Variants in DMAP1 observed in about 807,000 individuals in gnomAD.
DMAP1 encodes the protein DNA methyltransferase 1 associated protein 1.
A neutral mutation model predicts 52.7 loss-of-function variants in DMAP1; 26 were observed. The observed-to-expected ratio is 0.49, with a 90% CI of 0.36 to 0.68. DMAP1 has a LOEUF of 0.68. Ranked by LOEUF, DMAP1 falls within the 30% of genes least tolerant of loss-of-function variation. The pLI is 0.00. For synonymous variants in DMAP1, 231 were observed against 246.0 expected (o/e 0.94, Z 0.57); for missense variants, 439 against 625.2 (o/e 0.70, Z 3.18).
chr1:44,215,267 C>A (rs1006159472), intron 3 of DMAP1: 1 of 467,550 alleles, frequency 2.1e-6, no homozygotes, highest in Non-Finnish European at 4.3e-6. Context: ...TCCTTCGCAT[C>A]CAGTCATTTA....
intron 3 of DMAP1, chr1:44,216,322 A>G (rs963143660): frequency 6.6e-6 from 1 of 151,414 alleles, no homozygotes; most frequent in African/African-American, 2.4e-5. Flanking sequence ...CTCCACCTCT[A>G]GGGCTCAAGC....
In DMAP1 at chr1:44,218,155, T is replaced by C. The variant is rs1417274062; in HGVS notation, c.394-156T>C. ...CAGTCCCAAACCCTGCTAGGACCTC[T>C]AGTCAAGCAGACAAGTTCTTTCCTC... is the stretch of plus-strand genomic sequence containing the variant. On this transcript the variant is annotated intron_variant, in intron 3 of 9. Coordinates refer to ENST00000372289, the MANE Select transcript of DMAP1 (RefSeq NM_019100.5). This position sits in a 1 kb window ranked among gnomAD's most constrained non-coding sequence, Gnocchi z 5.6. 1 of 972,774 alleles carries C rather than the reference T, an allele frequency of 1.0e-6. No individual in the cohort carries two copies. The highest frequency in any genetic ancestry group is 1.7e-5 in the Admixed American group (1 of 57,294). 60.3% of individuals were successfully genotyped at this position (972,774 alleles called of 1,614,324 possible).
chr1:44,219,811 G>C lies in DMAP1; in HGVS notation c.984G>C (p.Lys328Asn). 6.2e-7 allele frequency: 1 copy of C among 1,614,124 alleles called. No individual in the cohort carries two copies. Among genetic ancestry groups the C allele is most frequent in the Non-Finnish European group, 8.5e-7 (1 of 1,180,024 alleles). Reference sequence around the variant, plus strand: ...CTTGCCAGCTTTCATTGCAGATGAAGCTGCCAAGCTCTGTGGGACAGAAGA... The same window carrying C: ...CTTGCCAGCTTTCATTGCAGATGAACCTGCCAAGCTCTGTGGGACAGAAGA... ...AGVTLRSQRM[K>N]LPSSVGQKKI... Residue 328 changes from lysine to asparagine, a missense_variant, in exon 8 of 10, where the codon AAG becomes AAC. This residue lies in a region of DMAP1 where 179 missense variants were observed against 285.9 expected (regional missense o/e 0.63). Transcript: ENST00000372289.
At chr1:44,220,518 T>C in intron 9 of DMAP1, 41 bp from the exon 10 acceptor site, 1 of 1,614,218 alleles carries the variant, frequency 6.2e-7, no homozygotes, top group Non-Finnish European at 8.5e-7. Context: ...GACTCAGGCC[T>C]TGGGGGGTCA....
chr1:44,213,489 C>T lies in DMAP1; in HGVS notation c.-265C>T, dbSNP rs1643723674. On this transcript the variant is annotated 5_prime_UTR_variant, in exon 1 of 10. It adds an upstream start codon to the 5' untranslated region. Transcript: ENST00000372289. This position sits in a 1 kb window ranked among gnomAD's most constrained non-coding sequence, Gnocchi z 4.5. ...AGTTTCTGCCGCGGCTTTGCGGGGA[C>T]GGGGGAGTGGTAGTGGGGGCTGCAG... 2 of 410,346 alleles carry T rather than the reference C, an allele frequency of 4.9e-6. No homozygotes were observed. Among genetic ancestry groups the T allele is most frequent in the Non-Finnish European group, 8.9e-6 (2 of 225,344 alleles). 25.4% of individuals were successfully genotyped at this position (410,346 alleles called of 1,614,324 possible). A position where few individuals can be genotyped will look rare whatever the true frequency, so the allele number is the denominator to read the frequency against.
rs765409416 is a variant in DMAP1 at position 44,218,364 on chromosome 1, T to C, written c.447T>C (p.Asp149=). 2 of 1,614,216 alleles carry C rather than the reference T, an allele frequency of 1.2e-6. No individual in the cohort carries two copies. The highest frequency in any genetic ancestry group is 2.2e-5 in the South Asian group (2 of 91,090). The change falls in exon 4 of 10, where the codon GAT becomes GAC. Residue 149 remains aspartate, a synonymous_variant. Transcript: ENST00000372289. This position sits in a 1 kb window ranked among gnomAD's most constrained non-coding sequence, Gnocchi z 5.6. ...SEQEYQLYLH[D]DAWTKAETDH... ...AGGAGTACCAGCTTTATCTCCACGA[T>C]GATGCTTGGACTAAGGCAGAAACTG... is the stretch of plus-strand genomic sequence containing the variant.
At chr1:44,220,473 T>G in intron 9 of DMAP1, 86 bp from the exon 10 acceptor site, 1 of 1,610,070 alleles carries the variant, frequency 6.2e-7, no homozygotes, top group Non-Finnish European at 8.5e-7. Flanking sequence ...TGGGCGTCCT[T>G]GTCCCTGAGC....
rs770456146 is a variant in DMAP1, at chr1:44,219,180, G to A, written c.845G>A (p.Arg282Gln). 6 of 1,614,140 alleles carry A rather than the reference G, an allele frequency of 3.7e-6. No individual in the cohort carries two copies. The highest frequency in any genetic ancestry group is 1.7e-5 in the Admixed American group (1 of 60,024). The change falls in exon 6 of 10, where the codon CGG (arginine) becomes CAG (glutamine). Residue 282 changes from arginine (R) to glutamine (Q), a missense_variant. Arg to Gln is a conservative substitution (Grantham distance 43, BLOSUM62 1). This residue lies in a region of DMAP1 where 179 missense variants were observed against 285.9 expected (regional missense o/e 0.63). Coordinates refer to ENST00000372289, the MANE Select transcript of DMAP1 (RefSeq NM_019100.5). ...ITAADTTAEQ[R>Q]RTERKAPKKK... The stretch of plus-strand genomic sequence containing the variant: ...GCGGCAGACACCACTGCAGAGCAGC[G>A]GCGCACGGAACGCAAGGCCCCCAAA...
chr1:44,215,031 G>A (rs545987570), intron 3 of DMAP1, 133 bp downstream of exon 3: 61 of 1,032,866 alleles, frequency 5.9e-5, no homozygotes, highest in South Asian at 1.9e-4. Flanking sequence ...CTCAATCCTC[G>A]TGGCAAATGC....
At chr1:44,215,291 C>G (rs1402402029) in intron 3 of DMAP1, 2 of 459,650 alleles carry the variant, frequency 4.4e-6, no homozygotes, top group Non-Finnish European at 8.7e-6. Context: ...ATATCTCTTT[C>G]TCAATGCCCC....
chr1:44,213,526 A>C lies in DMAP1; in HGVS notation c.-228A>C. ...AGTGGGGGCTGCAGCTGCCGGACCCAGGTGCGGAAGTGCGAGGGCCCAGGT... is the reference window on the plus strand; with the variant it reads ...AGTGGGGGCTGCAGCTGCCGGACCCCGGTGCGGAAGTGCGAGGGCCCAGGT... On this transcript the variant is annotated 5_prime_UTR_variant, in exon 1 of 10. Transcript: ENST00000372289. The surrounding 1 kb of genome is among the most constrained non-coding windows in gnomAD (Gnocchi z 4.5). 2.1e-6 allele frequency: 1 copy of C among 487,220 alleles called. No homozygotes were observed. Among genetic ancestry groups the C allele is most frequent in the Non-Finnish European group, 3.7e-6 (1 of 270,638 alleles). The allele number at this position is 487,220 out of a possible 1,614,324, so 30.2% of individuals were successfully genotyped here.
At chr1:44,219,619 A>C in intron 7 of DMAP1, 142 bp downstream of exon 7, 1 of 1,144,564 alleles carries the variant, frequency 8.7e-7, no homozygotes, top group Non-Finnish European at 1.2e-6. Flanking sequence ...GATCTCAGTG[A>C]TGTGGCCAGG....
At position 44,218,177 on chromosome 1, in the gene DMAP1, C is replaced by A; in HGVS notation, c.394-134C>A. Reference sequence around the variant, plus strand: ...CTCTAGTCAAGCAGACAAGTTCTTTCCTCACTCCATGCTGCAGGGGCACAG... The same window carrying A: ...CTCTAGTCAAGCAGACAAGTTCTTTACTCACTCCATGCTGCAGGGGCACAG... On this transcript the variant is annotated intron_variant, in intron 3 of 9. Transcript: ENST00000372289. This position sits in a 1 kb window ranked among gnomAD's most constrained non-coding sequence, Gnocchi z 5.6. The A allele has an allele frequency of 8.3e-7, 1 of 1,203,544 alleles. No individual in the cohort carries two copies. The highest frequency in any genetic ancestry group is 1.2e-6 in the Non-Finnish European group (1 of 810,106). 74.6% of individuals were successfully genotyped at this position (1,203,544 alleles called of 1,614,324 possible). A position where few individuals can be genotyped will look rare whatever the true frequency, so the allele number is the denominator to read the frequency against.
chr1:44,215,426 T>A, intron 3 of DMAP1: 1 of 439,978 alleles, frequency 2.3e-6, no homozygotes, highest in Non-Finnish European at 4.6e-6. Context: ...AACCAGAAAC[T>A]TGGGGGATCG....
chr1:44,214,063 G>A (rs536814767), intron 1 of DMAP1, among the ~76,000 whole-genome samples: 1 of 152,344 alleles, frequency 6.6e-6, no homozygotes, highest in Non-Finnish European at 1.5e-5. Flanking sequence ...AAGAGGGTAT[G>A]ACACCTCTAA....
intron 3 of DMAP1, chr1:44,216,189 T>A (rs186098787): frequency 6.6e-6 from 1 of 152,278 alleles, no homozygotes; most frequent in African/African-American, 2.4e-5. Flanking sequence ...CACTTGACTA[T>A]GAGCTACTTG....
Position 44,213,524 on chromosome 1 carries a change from C to A in DMAP1, c.-230C>A. The A allele has an allele frequency of 4.1e-6, 2 of 485,098 alleles. No homozygotes were observed. The highest frequency in any genetic ancestry group is 7.4e-5 in the Admixed American group (2 of 27,210). 30.0% of individuals were successfully genotyped at this position (485,098 alleles called of 1,614,324 possible). A position where few individuals can be genotyped will look rare whatever the true frequency, so the allele number is the denominator to read the frequency against. ...GTAGTGGGGGCTGCAGCTGCCGGAC[C>A]CAGGTGCGGAAGTGCGAGGGCCCAG... On this transcript the variant is annotated 5_prime_UTR_variant, in exon 1 of 10. Transcript: ENST00000372289. This position sits in a 1 kb window ranked among gnomAD's most constrained non-coding sequence, Gnocchi z 4.5.
At chr1:44,220,344 G>C in intron 9 of DMAP1, 35 bp downstream of exon 9, 1 of 1,526,620 alleles carries the variant, frequency 6.6e-7, no homozygotes, top group Non-Finnish European at 8.8e-7. Context: ...GCACGCCTGG[G>C]CCCTGCGAGT....
intron 3 of DMAP1, chr1:44,216,848 T>C (rs1643804099): frequency 6.6e-6 from 1 of 152,258 alleles, no homozygotes; most frequent in African/African-American, 2.4e-5. Context: ...TGGTAGACAC[T>C]GATACATACA....
Sources: gnomAD v4.1 joint callset for allele counts (sites outside exome capture counted in the v4.1 genomes callset) on GRCh38, gnomAD v4.1.1 for gene constraint, gnomAD v4.1.1 regional missense constraint, Gnocchi (gnomAD v3.1) non-coding constraint, MANE v1.5 for transcripts, NCBI Gene and HGNC (gene_info 2026-07-23, HGNC 2026-07-21) for gene names.